Variants in IRAK1BP1 observed in about 807,000 individuals in gnomAD.
IRAK1BP1 encodes the protein interleukin-1 receptor-associated kinase 1-binding protein 1.
Under a neutral mutation model 28.0 loss-of-function variants are expected in IRAK1BP1, and 24 were observed. The observed-to-expected ratio is 0.86, with a 90% CI of 0.62 to 1.20. The LOEUF (loss-of-function observed/expected upper bound fraction) is 1.20, where lower values mean the gene tolerates loss of function less well. IRAK1BP1 is among the 50% of genes most tolerant of loss of function. IRAK1BP1 has a pLI of 0.00. For synonymous variants in IRAK1BP1, 131 were observed against 116.3 expected (o/e 1.13, Z -0.81); for missense variants, 336 against 316.7 (o/e 1.06, Z -0.46).
intron 4 of IRAK1BP1, among the ~76,000 whole-genome samples, chr6:78,926,682 C>T (rs1258091969): frequency 1.3e-5 from 2 of 152,082 alleles, no homozygotes; most frequent in African/African-American, 4.8e-5. Context: ...CCATCCCCAC[C>T]TCCCCGACAC....
intron 4 of IRAK1BP1, chr6:78,938,165 T>G (rs763329960): frequency 2.0e-5 from 3 of 151,648 alleles, no homozygotes; most frequent in Non-Finnish European, 3.0e-5. Context: ...AATATATTGG[T>G]ATTACTAATA....
At chr6:78,939,274 G>A (rs1773380867) in intron 4 of IRAK1BP1, 1 of 151,556 alleles carries the variant, frequency 6.6e-6, no homozygotes, top group Non-Finnish European at 1.5e-5. Context: ...TACTAATGAT[G>A]CAAAAAATAA....
intron 1 of IRAK1BP1, among the ~76,000 whole-genome samples, chr6:78,879,244 A>G (rs1389587969): frequency 3.9e-5 from 6 of 152,132 alleles, no homozygotes; most frequent in Admixed American, 3.9e-4. Context: ...AGATACACCT[A>G]ATGTAAATGA....
the IRAK1BP1 span, among the ~76,000 whole-genome samples, chr6:78,973,995 G>A: frequency 6.6e-6 from 1 of 152,070 alleles, no homozygotes; most frequent in Non-Finnish European, 1.5e-5. Flanking sequence ...AGGATACCCA[G>A]GAATTGAACT....
intron 4 of IRAK1BP1, among the ~76,000 whole-genome samples, chr6:78,933,667 A>G (rs1405162532): frequency 1.4e-5 from 2 of 139,552 alleles, no homozygotes; most frequent in African/African-American, 2.9e-5. Flanking sequence ...CTAGCTTCCA[A>G]CTTTTTTTTT....
chr6:78,970,803 G>T, the IRAK1BP1 span: 2 of 1,607,030 alleles, frequency 1.2e-6, no homozygotes, highest in Non-Finnish European at 8.5e-7. Flanking sequence ...TTTATGCCAT[G>T]GTTGTTTTTT....
intron 1 of IRAK1BP1, among the ~76,000 whole-genome samples, chr6:78,881,923 C>T (rs1265592620): frequency 2.6e-5 from 4 of 152,034 alleles, no homozygotes; most frequent in Admixed American, 2.6e-4. Context: ...GAGTTGAAAA[C>T]ATCAGTGTGA....
At chr6:78,895,327 A>T (rs1771841170) in intron 2 of IRAK1BP1, among the ~76,000 whole-genome samples, 1 of 152,198 alleles carries the variant, frequency 6.6e-6, no homozygotes, top group South Asian at 2.1e-4. Flanking sequence ...AAATTTTTCC[A>T]GAAAACTGAA....
At chr6:78,953,302 T>A in the IRAK1BP1 span, among the ~76,000 whole-genome samples, 1 of 152,218 alleles carries the variant, frequency 6.6e-6, no homozygotes, top group East Asian at 1.9e-4. Flanking sequence ...AATTCCTTTT[T>A]CACCACTGCC....
At chr6:78,910,315 G>T (rs980497288) in intron 4 of IRAK1BP1, among the ~76,000 whole-genome samples, 1 of 152,146 alleles carries the variant, frequency 6.6e-6, no homozygotes, top group African/African-American at 2.4e-5. Flanking sequence ...TAAAAAACGC[G>T]ATGGATTCTC....
intron 4 of IRAK1BP1, among the ~76,000 whole-genome samples, chr6:78,912,652 A>G (rs1357355892): frequency 6.6e-6 from 1 of 152,204 alleles, no homozygotes; most frequent in Non-Finnish European, 1.5e-5. Context: ...GGTGGAAACA[A>G]CCACCATGTC....
the IRAK1BP1 span, among the ~76,000 whole-genome samples, chr6:78,976,045 A>G: frequency 3.9e-5 from 6 of 152,036 alleles, no homozygotes; most frequent in Non-Finnish European, 8.8e-5. Flanking sequence ...ATATGGAACC[A>G]AAAAAGGGCC....
At chr6:78,951,871 T>C in the IRAK1BP1 span, among the ~76,000 whole-genome samples, 1 of 152,238 alleles carries the variant, frequency 6.6e-6, no homozygotes, top group Admixed American at 6.5e-5. Flanking sequence ...TGGCTTTGTC[T>C]ATAAATAGCT....
the IRAK1BP1 span, chr6:78,961,915 A>T: frequency 1.3e-6 from 1 of 789,794 alleles, no homozygotes; most frequent in Non-Finnish European, 2.0e-6. Flanking sequence ...CTACATAATC[A>T]TTAGTCTGCC....
At chr6:78,923,006 A>G (rs373912344) in intron 4 of IRAK1BP1, among the ~76,000 whole-genome samples, 1 of 152,170 alleles carries the variant, frequency 6.6e-6, no homozygotes, top group Non-Finnish European at 1.5e-5. Context: ...TAGGAAGAAA[A>G]TGCATCAACT....
chr6:78,932,426 T>TTC (rs1773079531), intron 4 of IRAK1BP1, among the ~76,000 whole-genome samples: 1 of 147,924 alleles, frequency 6.8e-6, no homozygotes, highest in African/African-American at 2.5e-5. Context: ...TTTTTCTTTT[T>TTC]TTTTTTTTTT....
intron 4 of IRAK1BP1, among the ~76,000 whole-genome samples, chr6:78,928,249 C>T (rs1772943981): frequency 6.6e-6 from 1 of 151,894 alleles, no homozygotes; most frequent in Non-Finnish European, 1.5e-5. Context: ...TGGTCAATTC[C>T]TAGGTATTTA....
the IRAK1BP1 span, chr6:78,963,032 A>T: frequency 7.0e-7 from 1 of 1,431,112 alleles, no homozygotes; most frequent in Non-Finnish European, 9.3e-7. Flanking sequence ...TTGGAGAATA[A>T]CAGTATTTTT....
the IRAK1BP1 span, among the ~76,000 whole-genome samples, chr6:78,954,258 C>T: frequency 2.8e-5 from 4 of 142,188 alleles, no homozygotes; most frequent in Admixed American, 7.1e-5. Flanking sequence ...CCCGCCCACA[C>T]GCCTGGCTAA....
Sources: gnomAD v4.1 joint callset for allele counts (sites outside exome capture counted in the v4.1 genomes callset) on GRCh38, gnomAD v4.1.1 for gene constraint, MANE v1.5 for transcripts, NCBI Gene and HGNC (gene_info 2026-07-23, HGNC 2026-07-21) for gene names.